C12orf42: variants seen among roughly 807,000 people sequenced by gnomAD.
The protein encoded by C12orf42 is chromosome 12 open reading frame 42.
A neutral mutation model predicts 21.6 loss-of-function variants in C12orf42; 25 were observed. The observed-to-expected ratio is 1.16, with a 90% CI of 0.84 to 1.62. The LOEUF is 1.62. C12orf42 is among the 40% of genes most tolerant of loss of function. C12orf42 has a pLI of 0.00. For synonymous variants in C12orf42, 174 were observed against 175.0 expected (o/e 0.99, Z 0.05); for missense variants, 483 against 459.3 (o/e 1.05, Z -0.47).
chr12:103,521,844 G>A, the C12orf42 span, among the ~76,000 whole-genome samples: 1 of 152,124 alleles, frequency 6.6e-6, no homozygotes, highest in Non-Finnish European at 1.5e-5. Context: ...GTTGCAGTTT[G>A]GTGCTGCCTG....
At chr12:103,376,223 G>T (rs1002388724) in intron 3 of C12orf42, among the ~76,000 whole-genome samples, 20 of 152,112 alleles carry the variant, frequency 1.3e-4, no homozygotes, top group African/African-American at 4.1e-4. Context: ...ATAATATGCA[G>T]ACAAAAAATA....
chr12:103,166,439 C>A, the C12orf42 span, among the ~76,000 whole-genome samples: 1 of 152,158 alleles, frequency 6.6e-6, no homozygotes, highest in Non-Finnish European at 1.5e-5. Flanking sequence ...TTTTATTCCA[C>A]TTGATTTTCA....
At chr12:103,445,574 T>C (rs575908704) in intron 2 of C12orf42, among the ~76,000 whole-genome samples, 84 of 152,164 alleles carry the variant, frequency 5.5e-4, no homozygotes, top group African/African-American at 2.0e-3. Flanking sequence ...TTCTGTAAAA[T>C]GCTTGTGCAA....
the C12orf42 span, among the ~76,000 whole-genome samples, chr12:103,124,801 T>G: frequency 3.3e-5 from 5 of 152,140 alleles, no homozygotes; most frequent in Non-Finnish European, 7.3e-5. Context: ...AAGACTATTT[T>G]GGGCAATACA....
chr12:103,218,616 G>A, the C12orf42 span, among the ~76,000 whole-genome samples: 1 of 152,138 alleles, frequency 6.6e-6, no homozygotes, highest in Non-Finnish European at 1.5e-5. Flanking sequence ...AGGCAGAGGT[G>A]TCTACTTTTT....
the C12orf42 span, among the ~76,000 whole-genome samples, chr12:103,543,334 C>T: frequency 6.6e-6 from 1 of 152,134 alleles, no homozygotes; most frequent in Non-Finnish European, 1.5e-5. Context: ...GCCGGGCAGG[C>T]ATGGTAATTC....
chr12:103,056,605 T>C, the C12orf42 span, among the ~76,000 whole-genome samples: 2 of 152,162 alleles, frequency 1.3e-5, no homozygotes, highest in Non-Finnish European at 2.9e-5. Flanking sequence ...TATAGTCCCA[T>C]AGGCTCCTGA....
At chr12:103,305,036 G>GA (rs2038129148) in intron 5 of C12orf42, among the ~76,000 whole-genome samples, 1 of 152,066 alleles carries the variant, frequency 6.6e-6, no homozygotes, top group South Asian at 2.1e-4. Context: ...CACATAGGAA[G>GA]AAAAAAATTG....
At chr12:103,381,415 G>A (rs1363105334) in intron 3 of C12orf42, among the ~76,000 whole-genome samples, 9 of 152,124 alleles carry the variant, frequency 5.9e-5, no homozygotes, top group African/African-American at 9.7e-5. Context: ...CCACCTTTCC[G>A]TACTCTTCTC....
the C12orf42 span, among the ~76,000 whole-genome samples, chr12:103,221,863 G>A: frequency 6.6e-6 from 1 of 152,138 alleles, no homozygotes; most frequent in Non-Finnish European, 1.5e-5. Context: ...AGGGACACCT[G>A]CCCAATTTTA....
chr12:103,158,143 G>T, the C12orf42 span, among the ~76,000 whole-genome samples: 1 of 152,190 alleles, frequency 6.6e-6, no homozygotes, highest in Non-Finnish European at 1.5e-5. Context: ...TACATCACAA[G>T]CATTGCGTGG....
chr12:103,317,902 C>T (rs902555866), intron 4 of C12orf42, among the ~76,000 whole-genome samples: 1 of 152,086 alleles, frequency 6.6e-6, no homozygotes. Flanking sequence ...AAATAAATAG[C>T]CCCAGACCCA....
At chr12:103,247,352 C>T (rs1052809605) in intron 10 of C12orf42, among the ~76,000 whole-genome samples, 1 of 148,848 alleles carries the variant, frequency 6.7e-6, no homozygotes, top group African/African-American at 2.5e-5. Flanking sequence ...TGTTCTAGAC[C>T]TCATAAAACA....
intron 2 of C12orf42, among the ~76,000 whole-genome samples, chr12:103,459,141 T>A (rs967289552): frequency 3.9e-5 from 6 of 152,046 alleles, no homozygotes; most frequent in African/African-American, 1.4e-4. Flanking sequence ...ATAAGAGGGA[T>A]CCCGTATTTC....
the C12orf42 span, among the ~76,000 whole-genome samples, chr12:103,162,229 G>C: frequency 6.6e-6 from 1 of 152,150 alleles, no homozygotes; most frequent in African/African-American, 2.4e-5. Context: ...GCACTTTTTG[G>C]TACATCAGGA....
intron 2 of C12orf42, among the ~76,000 whole-genome samples, chr12:103,472,187 T>C (rs1953678172): frequency 6.6e-6 from 1 of 151,202 alleles, no homozygotes; most frequent in East Asian, 2.0e-4. Context: ...CACGAGTAGC[T>C]GGGACTACAG....
chr12:103,326,027 G>A (rs909963894), intron 4 of C12orf42, among the ~76,000 whole-genome samples: 5 of 152,246 alleles, frequency 3.3e-5, no homozygotes, highest in East Asian at 1.9e-4. Flanking sequence ...TGATGTGCCA[G>A]GAATAGTTCA....
At chr12:103,214,993 C>A in the C12orf42 span, among the ~76,000 whole-genome samples, 3 of 152,126 alleles carry the variant, frequency 2.0e-5, no homozygotes. Flanking sequence ...TCCTCTCGAG[C>A]AAGAATATTC....
intron 2 of C12orf42, among the ~76,000 whole-genome samples, chr12:103,469,298 A>ACAT (rs1208132137): frequency 4.6e-5 from 7 of 152,260 alleles, no homozygotes; most frequent in African/African-American, 1.7e-4. Flanking sequence ...GTAAAAACAT[A>ACAT]CATCAATATC....
Sources: allele counts gnomAD v4.1 joint callset (sites outside exome capture counted in the v4.1 genomes callset), GRCh38; gene constraint gnomAD v4.1.1; transcripts MANE v1.5; gene names NCBI Gene and HGNC (gene_info 2026-07-23, HGNC 2026-07-21).